The following SLCO4A1 variants were observed in gnomAD, a reference collection of about 807,000 sequenced individuals.
The protein encoded by SLCO4A1 is solute carrier organic anion transporter family member 4A1.
SLCO4A1 carries 51 observed loss-of-function variants against 64.6 expected under a neutral mutation model. The ratio of observed to expected loss-of-function variants is 0.79; its 90% confidence interval spans 0.63 to 1.00. The LOEUF is 1.00. Ranked by LOEUF, SLCO4A1 falls within the 50% of genes least tolerant of loss-of-function variation. The pLI is 0.00. For synonymous variants in SLCO4A1, 471 were observed against 444.9 expected (o/e 1.06, Z -0.74); for missense variants, 919 against 980.5 (o/e 0.94, Z 0.84).
downstream of SLCO4A1, among the ~76,000 whole-genome samples, chr20:62,676,251 T>A (rs1000690033): frequency 6.7e-6 from 1 of 148,330 alleles, no homozygotes; most frequent in Non-Finnish European, 1.5e-5. Context: ...CCTGTCTCTG[T>A]AAAAAAAAAA....
intron 1 of SLCO4A1, among the ~76,000 whole-genome samples, chr20:62,652,481 C>T (rs1001715485): frequency 1.3e-5 from 2 of 152,186 alleles, no homozygotes; most frequent in Non-Finnish European, 2.9e-5. Flanking sequence ...GCTCCTCCGG[C>T]TTTTCCGCTG....
chr20:62,667,580 GC>G lies in SLCO4A1; in HGVS notation c.1473-162del. 9.4e-6 allele frequency: 7 copies of G among 741,718 alleles called. No individual in the cohort carries two copies. In the South Asian group the frequency reaches 1.3e-4, roughly 13 times the overall value. The allele number at this position is 741,718 out of a possible 1,614,324, so 45.9% of individuals were successfully genotyped here. A position where few individuals can be genotyped will look rare whatever the true frequency, so the allele number is the denominator to read the frequency against. On this transcript the variant is annotated intron_variant, in intron 7 of 11. Transcript: ENST00000217159. Reference sequence around the variant, plus strand: ...AACCATTCTATCACCAGAAGGCAGTGCCCAGTGTGAGTGCCCAGCGTGCTGG... The same window carrying G: ...AACCATTCTATCACCAGAAGGCAGTGCCAGTGTGAGTGCCCAGCGTGCTGG...
At chr20:62,659,819 CA>C (rs1339405271) in intron 3 of SLCO4A1, among the ~76,000 whole-genome samples, 2 of 152,260 alleles carry the variant, frequency 1.3e-5, no homozygotes, top group Non-Finnish European at 2.9e-5. Context: ...TGTGAAGACA[CA>C]TCCCCGAAAG....
rs777533609 is a variant in SLCO4A1, at chr20:62,666,405, TGGC to T, written c.1306_1308del (p.Gly436del). ...GGTACCTGGTGGTGCCAGCGGGTGG[TGGC>T]GGCACCTTCCTGGGCGGCTTCTTTG... On this transcript the variant is annotated inframe_deletion, in exon 7 of 12. Transcript: ENST00000217159. The T allele has an allele frequency of 3.1e-6, 5 of 1,612,812 alleles. No individual in the cohort carries two copies. Among genetic ancestry groups the T allele is most frequent in the Non-Finnish European group, 4.2e-6 (5 of 1,179,870 alleles).
At chr20:62,673,591 A>T (rs144539292), downstream of SLCO4A1, among the ~76,000 whole-genome samples, 1 of 142,504 alleles carries the variant, frequency 7.0e-6, no homozygotes, top group Admixed American at 6.9e-5. Flanking sequence ...ACCAGGTTAT[A>T]AGAGACCACG....
In SLCO4A1 at chr20:62,671,758, C is replaced by T. The variant is rs145785453; in HGVS notation, c.2034C>T (p.Gly678=). 1.1e-5 allele frequency: 17 copies of T among 1,613,182 alleles called. No individual in the cohort carries two copies. The highest frequency in any genetic ancestry group is 5.3e-5 in the African/African-American group (4 of 74,934). Residue 678 remains glycine (G), a synonymous_variant, in exon 12 of 12, where the codon GGC becomes GGT. Transcript: ENST00000217159. The stretch of plus-strand genomic sequence containing the variant: ...GGCTCCTCTCTCCCCAGGTGCTGGG[C>T]GTCCTCTTCTTTGCCATAGCCTGCT... ...LIMGLLYKVL[G]VLFFAIACFL... is the part of the protein sequence containing the mutation.
At chr20:62,689,266 C>T (rs955060940), downstream of SLCO4A1, among the ~76,000 whole-genome samples, 4 of 102,850 alleles carry the variant, frequency 3.9e-5, no homozygotes, top group African/African-American at 8.6e-5. Flanking sequence ...TCCCGTTCCT[C>T]GCAGGCCTGT....
intron 8 of SLCO4A1, 25 bp from the exon 9 acceptor site, chr20:62,667,987 T>C: frequency 6.2e-7 from 1 of 1,614,020 alleles, no homozygotes; most frequent in African/African-American, 1.3e-5. Context: ...CCCCTTGTAA[T>C]CGGAGCTATT....
chr20:62,662,796 C>T (rs1485799598), intron 5 of SLCO4A1, among the ~76,000 whole-genome samples: 3 of 144,124 alleles, frequency 2.1e-5, no homozygotes, highest in South Asian at 2.2e-4. Context: ...CCCCGTCACA[C>T]CACACGCCAG....
intron 5 of SLCO4A1, 70 bp from the exon 6 acceptor site, chr20:62,664,862 CTT>C (rs1312648781): frequency 6.9e-7 from 1 of 1,441,324 alleles, no homozygotes; most frequent in African/African-American, 1.4e-5. Flanking sequence ...CCCTCAGTCT[CTT>C]CTCCACACCC....
chr20:62,652,841 C>A (rs982611671), intron 1 of SLCO4A1, among the ~76,000 whole-genome samples: 1 of 152,208 alleles, frequency 6.6e-6, no homozygotes, highest in Non-Finnish European at 1.5e-5. Context: ...AACAGCCTCC[C>A]GGCAGTGTCC....
intron 5 of SLCO4A1, chr20:62,662,961 T>C (rs983858534): frequency 6.6e-5 from 10 of 152,240 alleles, no homozygotes; most frequent in African/African-American, 2.4e-4. Flanking sequence ...GTCTTGCCTT[T>C]TTCAAGACGT....
chr20:62,686,436 T>A (rs1988061536), downstream of SLCO4A1, among the ~76,000 whole-genome samples: 1 of 152,150 alleles, frequency 6.6e-6, no homozygotes, highest in East Asian at 1.9e-4. Context: ...GCAACTCCGC[T>A]CCACCAAGGG....
chr20:62,653,321 C>T (rs1040331827), intron 1 of SLCO4A1, among the ~76,000 whole-genome samples: 4 of 152,160 alleles, frequency 2.6e-5, no homozygotes, highest in African/African-American at 7.2e-5. Flanking sequence ...GTGCTGGTAC[C>T]GCCAGATCTC....
intron 7 of SLCO4A1, chr20:62,667,521 G>A: frequency 5.1e-6 from 3 of 583,890 alleles, no homozygotes. Flanking sequence ...GGTGCTGGGG[G>A]GCATGGGTGT....
At chr20:62,684,470 G>C (rs2044144948) in intron 2 of SLCO4A1, among the ~76,000 whole-genome samples, 1 of 152,186 alleles carries the variant, frequency 6.6e-6, no homozygotes, top group South Asian at 2.1e-4. Context: ...TGCCTCTTCT[G>C]GGAGCCTCCG....
At chr20:62,682,542 A>G (rs1191995908) in intron 2 of SLCO4A1, among the ~76,000 whole-genome samples, 1 of 152,154 alleles carries the variant, frequency 6.6e-6, no homozygotes, top group Non-Finnish European at 1.5e-5. Flanking sequence ...CTCTCCACTC[A>G]GGGGGATAGT....
chr20:62,658,565 C>A, intron 2 of SLCO4A1, 112 bp from the exon 3 acceptor site: 1 of 790,322 alleles, frequency 1.3e-6, no homozygotes, highest in African/African-American at 1.7e-5. Flanking sequence ...GGGAGTGGGC[C>A]GGAGATGCAG....
downstream of SLCO4A1, among the ~76,000 whole-genome samples, chr20:62,673,728 A>G (rs1198401552): frequency 1.9e-5 from 2 of 103,740 alleles, no homozygotes; most frequent in Non-Finnish European, 5.0e-5. Flanking sequence ...GCCTTCAAGG[A>G]CTGGAATCCT....
Sources: allele counts gnomAD v4.1 joint callset (sites outside exome capture counted in the v4.1 genomes callset), GRCh38; gene constraint gnomAD v4.1.1; transcripts MANE v1.5; gene names NCBI Gene and HGNC (gene_info 2026-07-23, HGNC 2026-07-21).